The following EYS variants were observed in gnomAD, a reference collection of about 807,000 sequenced individuals.
The protein encoded by EYS is EGF-like photoreceptor maintenance factor.
A neutral mutation model predicts 282.1 loss-of-function variants in EYS; 250 were observed. The ratio of observed to expected loss-of-function variants is 0.89; its 90% CI spans 0.80 to 0.98. The LOEUF (loss-of-function observed/expected upper bound fraction) is 0.98, where lower values mean the gene tolerates loss of function less well. Among genes scored for constraint, EYS ranks in the 50% least tolerant of loss-of-function variants. EYS has a pLI of 0.00. For missense variants in EYS, 4,016 were observed against 3,709.0 expected, an observed-to-expected ratio of 1.08 and a Z score of -2.15; for synonymous variants, 1,355 against 1,282.9, an observed-to-expected ratio of 1.06 and a Z score of -1.20.
chr6:64,826,708 C>T (rs938097724), intron 19 of EYS, among the ~76,000 whole-genome samples: 5 of 148,690 alleles, frequency 3.4e-5, no homozygotes, highest in African/African-American at 1.2e-4. Flanking sequence ...ATATATCTGT[C>T]AATCAGCTGT....
At chr6:64,017,152 C>T (rs1411572228) in intron 33 of EYS, among the ~76,000 whole-genome samples, 1 of 151,884 alleles carries the variant, frequency 6.6e-6, no homozygotes, top group African/African-American at 2.4e-5. Flanking sequence ...TGTTGAGACC[C>T]CACAAACACT....
chr6:64,503,122 T>G (rs1025782042), intron 26 of EYS, among the ~76,000 whole-genome samples: 6 of 152,236 alleles, frequency 3.9e-5, no homozygotes, highest in African/African-American at 1.4e-4. Flanking sequence ...TCTCTCAAAA[T>G]TTGCAATTTT....
In EYS at chr6:64,902,221, C is replaced by T. The variant is rs943468139; in HGVS notation, c.2739-1G>A. On this transcript the variant is annotated splice_acceptor_variant, in intron 17 of 42. Transcript: ENST00000503581. LOFTEE classifies it high-confidence loss of function. ...AGAAAACCCAGGTCTGCAAATACAC[C>T]TTTTAAACAAAAAATTTAGTAACTC... The T allele has an allele frequency of 2.6e-6, 4 of 1,544,594 alleles. No homozygotes were observed. Among genetic ancestry groups the T allele is most frequent in the Non-Finnish European group, 3.5e-6 (4 of 1,142,552 alleles).
intron 39 of EYS, among the ~76,000 whole-genome samples, chr6:63,784,537 C>T (rs1770316944): frequency 6.6e-6 from 1 of 151,974 alleles, no homozygotes; most frequent in South Asian, 2.1e-4. Flanking sequence ...TCTCAGGAAA[C>T]TTACAGTCAT....
At position 65,495,470 on chromosome 6, in the gene EYS, G is replaced by T; in HGVS notation, c.-60C>A. On this transcript the variant is annotated 5_prime_UTR_variant, in exon 4 of 43. Coordinates refer to ENST00000503581, the MANE Select transcript of EYS (RefSeq NM_001142800.2). ...GAATTGCTGCAAAATGGTGTTTTAA[G>T]TATTACCGGAAATTTCCAAGTAAAG... 5 of 1,565,000 alleles carry T rather than the reference G, an allele frequency of 3.2e-6. No homozygotes were observed. Among genetic ancestry groups the T allele is most frequent in the Non-Finnish European group, 4.3e-6 (5 of 1,151,008 alleles).
chr6:65,411,759 C>A (rs1010707918), intron 5 of EYS, among the ~76,000 whole-genome samples: 4 of 151,486 alleles, frequency 2.6e-5, no homozygotes, highest in African/African-American at 7.3e-5. Flanking sequence ...TCTTTTTTGT[C>A]CCTCTTGTTA....
At chr6:64,552,420 G>C (rs963946630) in intron 26 of EYS, among the ~76,000 whole-genome samples, 2 of 152,124 alleles carry the variant, frequency 1.3e-5, no homozygotes, top group Non-Finnish European at 2.9e-5. Context: ...CTGATCCGGA[G>C]TGAATTAACA....
intron 5 of EYS, among the ~76,000 whole-genome samples, chr6:65,416,934 AAGAC>A (rs1562166295): frequency 6.6e-6 from 1 of 152,008 alleles, no homozygotes; most frequent in Non-Finnish European, 1.5e-5. Flanking sequence ...AAATTGAAGA[AAGAC>A]AGCTAACTTG....
chr6:65,642,357 A>T (rs1414294635), intron 1 of EYS, among the ~76,000 whole-genome samples: 1 of 152,122 alleles, frequency 6.6e-6, no homozygotes, highest in Non-Finnish European at 1.5e-5. Flanking sequence ...ATTTGTAGGA[A>T]TAATTAGAGG....
At chr6:65,337,980 G>C (rs528258999) in intron 10 of EYS, among the ~76,000 whole-genome samples, 22 of 151,100 alleles carry the variant, frequency 1.5e-4, no homozygotes, top group African/African-American at 4.8e-4. Flanking sequence ...TGGGATTTAA[G>C]AAAATCTGAA....
At chr6:64,701,076 A>G (rs1204348019) in intron 22 of EYS, among the ~76,000 whole-genome samples, 1 of 152,088 alleles carries the variant, frequency 6.6e-6, no homozygotes, top group East Asian at 1.9e-4. Context: ...ACGTAACTAT[A>G]GTCCATTGAT....
At chr6:64,719,840 G>T (rs113743039) in intron 22 of EYS, among the ~76,000 whole-genome samples, 31 of 152,144 alleles carry the variant, frequency 2.0e-4, no homozygotes, top group Non-Finnish European at 4.0e-4. Context: ...GGTGGAGGCT[G>T]CAGTGAGCCG....
intron 5 of EYS, among the ~76,000 whole-genome samples, chr6:65,483,958 C>G (rs1440343250): frequency 6.6e-6 from 1 of 152,076 alleles, no homozygotes; most frequent in Non-Finnish European, 1.5e-5. Context: ...AGATGTGCCC[C>G]CATGATTCAA....
At position 64,512,839 on chromosome 6, in the gene EYS, G is replaced by T. The variant is rs547574797; in HGVS notation, c.5645-73487C>A. 2.0e-5 allele frequency among the ~76,000 whole-genome samples: 3 copies of T among 151,930 alleles called. No individual in the cohort carries two copies. The Middle Eastern group carries it at 0.01, about 517-fold the overall frequency. ...TTTTTAGTGTTCAGCATTTTCCAAAGTCAGGCATAAGATGATTCTAAAAAA... is the reference window on the plus strand; with the variant it reads ...TTTTTAGTGTTCAGCATTTTCCAAATTCAGGCATAAGATGATTCTAAAAAA... On this transcript the variant is annotated intron_variant, in intron 26 of 42. Coordinates refer to ENST00000503581, the MANE Select transcript of EYS (RefSeq NM_001142800.2).
At chr6:65,166,401 G>A (rs1344637179) in intron 12 of EYS, among the ~76,000 whole-genome samples, 2 of 151,200 alleles carry the variant, frequency 1.3e-5, no homozygotes, top group East Asian at 3.9e-4. Context: ...GATCCATGAT[G>A]GAATTGTGAA....
chr6:63,859,724 T>C (rs1772487613), intron 36 of EYS, among the ~76,000 whole-genome samples: 2 of 151,672 alleles, frequency 1.3e-5, no homozygotes, highest in Non-Finnish European at 2.9e-5. Context: ...ATGTGGAAAG[T>C]AAAGCTGTTT....
chr6:64,879,654 T>C (rs1356515180), intron 19 of EYS, among the ~76,000 whole-genome samples: 1 of 152,042 alleles, frequency 6.6e-6, no homozygotes, highest in Non-Finnish European at 1.5e-5. Context: ...AAAGAAGATG[T>C]AAGTAAATCC....
Position 64,686,841 on chromosome 6 carries a change from G to GTA in EYS, c.3444-60598_3444-60597dup, listed in dbSNP as rs1279094020. 8.1e-5 allele frequency among the ~76,000 whole-genome samples: 8 copies of GTA among 98,740 alleles called. 2 individuals are homozygous for GTA. Among genetic ancestry groups the GTA allele is most frequent in the East Asian group, 5.2e-4 (2 of 3,864 alleles). The allele number at this position is 98,740 out of a possible 152,430, so 64.8% of individuals were successfully genotyped here. ...TATATGTGTATATATATATATACGT[G>GTA]TATATATATATATGTGTATATATAT... On this transcript the variant is annotated intron_variant, in intron 22 of 42. Transcript: ENST00000503581.
At chr6:64,897,242 G>T (rs534377387) in intron 18 of EYS, among the ~76,000 whole-genome samples, 2 of 152,254 alleles carry the variant, frequency 1.3e-5, no homozygotes, top group Non-Finnish European at 2.9e-5. Context: ...CTGGGATGAA[G>T]TTCCAGAGGA....
Sources: gnomAD v4.1 joint callset for allele counts (sites outside exome capture counted in the v4.1 genomes callset) on GRCh38, gnomAD v4.1.1 for gene constraint, MANE v1.5 for transcripts, NCBI Gene and HGNC (gene_info 2026-07-23, HGNC 2026-07-21) for gene names.